Variants in FER observed in about 807,000 individuals in gnomAD.
FER encodes FER tyrosine kinase.
A neutral mutation model predicts 111.0 loss-of-function variants in FER; 63 were observed. The observed-to-expected ratio is 0.57, with a 90% CI of 0.46 to 0.70. FER has a LOEUF of 0.70. FER is among the 30% of genes least tolerant of loss of function. The pLI, the probability that FER is intolerant of heterozygous loss-of-function variation, is 0.00. For missense variants in FER, 914 were observed against 954.0 expected (o/e 0.96, Z 0.55); for synonymous variants, 327 against 313.9 (o/e 1.04, Z -0.44).
intron 2 of FER, among the ~76,000 whole-genome samples, chr5:108,775,845 G>A (rs1032489626): frequency 5.3e-5 from 8 of 152,098 alleles, no homozygotes; most frequent in South Asian, 2.1e-4. Flanking sequence ...TCATTTCTGC[G>A]TTTAAGTGCT....
intron 12 of FER, among the ~76,000 whole-genome samples, chr5:108,958,116 C>T (rs1758667816): frequency 6.7e-6 from 1 of 149,806 alleles, no homozygotes; most frequent in Admixed American, 6.6e-5. Context: ...CGTGTTTGTT[C>T]ATTACTCAAT....
At chr5:109,144,335 T>A (rs1753832837) in intron 17 of FER, among the ~76,000 whole-genome samples, 1 of 152,120 alleles carries the variant, frequency 6.6e-6, no homozygotes, top group South Asian at 2.1e-4. Flanking sequence ...TGGGAGTCAG[T>A]GAACGTGCAT....
chr5:108,798,752 G>A (rs773596211), intron 3 of FER, among the ~76,000 whole-genome samples: 1 of 152,156 alleles, frequency 6.6e-6, no homozygotes, highest in African/African-American at 2.4e-5. Flanking sequence ...GGAGGTTGAG[G>A]TGGGAGGATT....
intron 2 of FER, among the ~76,000 whole-genome samples, chr5:108,789,848 C>T (rs887556108): frequency 1.3e-5 from 2 of 152,128 alleles, no homozygotes; most frequent in Non-Finnish European, 2.9e-5. Context: ...AGTGATCCAC[C>T]TGCCTCAGCC....
chr5:109,143,387 A>G (rs1753728791), intron 17 of FER, among the ~76,000 whole-genome samples: 1 of 152,292 alleles, frequency 6.6e-6, no homozygotes, highest in Non-Finnish European at 1.5e-5. Context: ...AGAAAGGACA[A>G]GCAAAAACAT....
chr5:108,826,691 A>C (rs942602293), intron 3 of FER, among the ~76,000 whole-genome samples: 2 of 152,224 alleles, frequency 1.3e-5, no homozygotes, highest in African/African-American at 2.4e-5. Context: ...TCTTCTATAA[A>C]TGTTTTGTAG....
At chr5:108,783,805 G>A (rs1406383710) in intron 2 of FER, among the ~76,000 whole-genome samples, 2 of 152,198 alleles carry the variant, frequency 1.3e-5, no homozygotes, top group East Asian at 1.9e-4. Flanking sequence ...TATTGCTGGG[G>A]AAGGGATGGG....
At chr5:108,963,751 T>A (rs556825789) in intron 13 of FER, among the ~76,000 whole-genome samples, 1 of 152,284 alleles carries the variant, frequency 6.6e-6, no homozygotes, top group South Asian at 2.1e-4. Context: ...AACTACTGAC[T>A]TGTCCTGGGG....
intron 17 of FER, among the ~76,000 whole-genome samples, chr5:109,117,299 A>G (rs1465745726): frequency 6.6e-6 from 1 of 152,156 alleles, no homozygotes; most frequent in Non-Finnish European, 1.5e-5. Context: ...GTCAGAAGAA[A>G]TAGTGACTAC....
At chr5:108,755,175 A>G (rs1412253161) in intron 1 of FER, among the ~76,000 whole-genome samples, 2 of 152,254 alleles carry the variant, frequency 1.3e-5, no homozygotes, top group Non-Finnish European at 2.9e-5. Flanking sequence ...ATTTGTATAC[A>G]GGCAAGGTTC....
chr5:108,906,099 C>G (rs1220578708), intron 10 of FER, among the ~76,000 whole-genome samples: 1 of 152,120 alleles, frequency 6.6e-6, no homozygotes, highest in African/African-American at 2.4e-5. Context: ...GTCCCCATTT[C>G]CCAGTGTGTA....
At chr5:108,831,058 C>CA (rs2150128495) in intron 3 of FER, among the ~76,000 whole-genome samples, 1 of 152,142 alleles carries the variant, frequency 6.6e-6, no homozygotes, top group African/African-American at 2.4e-5. Context: ...CTACACTGAA[C>CA]AGGGCTTTTA....
chr5:108,805,230 A>G (rs1020045716), intron 3 of FER, among the ~76,000 whole-genome samples: 20 of 152,090 alleles, frequency 1.3e-4, no homozygotes, highest in Admixed American at 4.6e-4. Flanking sequence ...TTTCCTGCAC[A>G]AGCTCTCTTT....
At chr5:109,155,860 G>A (rs1188833955) in intron 17 of FER, among the ~76,000 whole-genome samples, 1 of 151,984 alleles carries the variant, frequency 6.6e-6, no homozygotes, top group Non-Finnish European at 1.5e-5. Context: ...GGGAAACAGT[G>A]TGGTTATATC....
intron 1 of FER, among the ~76,000 whole-genome samples, chr5:108,761,829 A>G (rs921186739): frequency 6.6e-6 from 1 of 152,204 alleles, no homozygotes; most frequent in African/African-American, 2.4e-5. Context: ...GAGGATTACC[A>G]AGTTTCCTTC....
chr5:109,135,726 A>T (rs950741016), intron 17 of FER, among the ~76,000 whole-genome samples: 3 of 152,050 alleles, frequency 2.0e-5, no homozygotes, highest in Admixed American at 2.0e-4. Flanking sequence ...TTTCTTTGTA[A>T]ATTGGCCTGA....
At chr5:108,947,010 A>G (rs1228509227) in intron 11 of FER, among the ~76,000 whole-genome samples, 1 of 152,004 alleles carries the variant, frequency 6.6e-6, no homozygotes, top group Non-Finnish European at 1.5e-5. Context: ...TCCATGTCAT[A>G]CAATGTGACA....
chr5:108,766,409 T>C (rs1327135199), intron 1 of FER, among the ~76,000 whole-genome samples: 2 of 152,258 alleles, frequency 1.3e-5, no homozygotes, highest in East Asian at 3.8e-4. Flanking sequence ...TTCCAGGTAC[T>C]ATGCAAGTGG....
At position 109,192,765 on chromosome 5, in the gene FER, T is replaced by A; in HGVS notation, c.*5190T>A. 1 of 152,144 alleles carries A rather than the reference T, an allele frequency of 6.6e-6. No individual in the cohort carries two copies. Among genetic ancestry groups the A allele is most frequent in the Non-Finnish European group, 1.5e-5 (1 of 68,014 alleles). 9.4% of individuals were successfully genotyped at this position (152,144 alleles called of 1,614,324 possible). Reference sequence around the variant, plus strand: ...ACGTTGACTAAATGGCTCCTAGAGTTACCCACAGAGGGAGCTTACTATGAT... The same window carrying A: ...ACGTTGACTAAATGGCTCCTAGAGTAACCCACAGAGGGAGCTTACTATGAT... On this transcript the variant is annotated 3_prime_UTR_variant, in exon 20 of 20. Coordinates refer to ENST00000281092, the MANE Select transcript of FER (RefSeq NM_005246.4).
Sources: gnomAD v4.1 joint callset for allele counts (sites outside exome capture counted in the v4.1 genomes callset) on GRCh38, gnomAD v4.1.1 for gene constraint, MANE v1.5 for transcripts, NCBI Gene and HGNC (gene_info 2026-07-23, HGNC 2026-07-21) for gene names.